The following CAMTA1 variants were observed in gnomAD, a reference collection of about 807,000 sequenced individuals.
CAMTA1 encodes the protein calmodulin-binding transcription activator 1.
CAMTA1 carries 27 observed loss-of-function variants against 170.9 expected under a neutral mutation model. The ratio of observed to expected loss-of-function variants is 0.16; its 90% CI spans 0.12 to 0.22. The LOEUF is 0.22. CAMTA1 is among the 10% of genes least tolerant of loss of function. The probability of loss-of-function intolerance (pLI) is 1.00; values close to 1 mark genes in which losing one functional copy is unlikely to be tolerated. For missense variants in CAMTA1, 1,619 were observed against 2,217.2 expected (o/e 0.73, Z 5.42); for synonymous variants, 833 against 891.5 (o/e 0.93, Z 1.17).
intron 3 of CAMTA1, among the ~76,000 whole-genome samples, chr1:7,017,392 A>T (rs1700715266): frequency 6.6e-6 from 1 of 152,262 alleles, no homozygotes. Flanking sequence ...TCACATACTC[A>T]TACAGACATA....
At chr1:7,223,235 A>G (rs1304803519) in intron 4 of CAMTA1, among the ~76,000 whole-genome samples, 1 of 138,744 alleles carries the variant, frequency 7.2e-6, no homozygotes, top group Non-Finnish European at 1.5e-5. Flanking sequence ...CTACATGTGT[A>G]TGTCAGGCTA....
intron 7 of CAMTA1, among the ~76,000 whole-genome samples, chr1:7,654,708 AACACACCCACCTATACACACACCC>A (rs2095869830): frequency 7.2e-6 from 1 of 139,674 alleles, no homozygotes; most frequent in Non-Finnish European, 1.5e-5. Context: ...TATACACACA[AACACACCCACCTATACACACACCC>A]ACACACCTAT....
chr1:7,464,685 AG>A (rs1333222748), intron 5 of CAMTA1, among the ~76,000 whole-genome samples: 1 of 152,120 alleles, frequency 6.6e-6, no homozygotes, highest in Non-Finnish European at 1.5e-5. Context: ...TCATCCTTAA[AG>A]CTTTTGCAGC....
chr1:6,951,469 T>G (rs1339343267), intron 3 of CAMTA1, among the ~76,000 whole-genome samples: 2 of 152,166 alleles, frequency 1.3e-5, no homozygotes, highest in African/African-American at 4.8e-5. Flanking sequence ...ACATATTGGA[T>G]GCAACAGATT....
intron 7 of CAMTA1, among the ~76,000 whole-genome samples, chr1:7,648,445 C>T (rs1436499270): frequency 6.6e-6 from 1 of 151,946 alleles, no homozygotes; most frequent in African/African-American, 2.4e-5. Flanking sequence ...ACTTTTCCCC[C>T]ATGGAGCTAC....
intron 3 of CAMTA1, among the ~76,000 whole-genome samples, chr1:6,949,813 A>G (rs1432352743): frequency 2.6e-5 from 4 of 152,260 alleles, no homozygotes; most frequent in South Asian, 2.1e-4. Context: ...TGCAAAAGGG[A>G]GGGCAGTGAC....
chr1:7,653,233 C>A (rs2095858893), intron 7 of CAMTA1, among the ~76,000 whole-genome samples: 1 of 152,166 alleles, frequency 6.6e-6, no homozygotes, highest in Non-Finnish European at 1.5e-5. Context: ...AGCAGAGGCT[C>A]AGTGGAGTAC....
intron 1 of CAMTA1, among the ~76,000 whole-genome samples, chr1:6,787,039 C>T (rs751095855): frequency 2.6e-5 from 4 of 152,202 alleles, no homozygotes; most frequent in Non-Finnish European, 4.4e-5. Flanking sequence ...AGACTTTGTC[C>T]GTCCCACACT....
chr1:6,828,890 G>GTT lies in CAMTA1; in HGVS notation c.234+3702_234+3703dup, dbSNP rs1026284603. ...TACAGCAAGTCTATTCTGTAACGTA[G>GTT]TTTTTTTTTTTTTTTTTTTTTTTGG... On this transcript the variant is annotated intron_variant, in intron 3 of 22. Transcript: ENST00000303635. Among the ~76,000 whole-genome samples, 572 of 101,934 alleles carry GTT rather than the reference G, an allele frequency of 5.6e-3. 1 individual carries two copies. The highest frequency in any genetic ancestry group is 0.014 in the African/African-American group (365 of 25,276). The allele number at this position is 101,934 out of a possible 152,430, so 66.9% of individuals were successfully genotyped here. A position where few individuals can be genotyped will look rare whatever the true frequency, so the allele number is the denominator to read the frequency against.
intron 5 of CAMTA1, among the ~76,000 whole-genome samples, chr1:7,438,048 A>G (rs1175287913): frequency 6.6e-6 from 1 of 152,160 alleles, no homozygotes; most frequent in African/African-American, 2.4e-5. Flanking sequence ...GCAGAATCTG[A>G]AGGAGAGGGG....
intron 6 of CAMTA1, among the ~76,000 whole-genome samples, chr1:7,579,552 C>CTTTTTT (rs3034816): frequency 0.019 from 1,528 of 79,114 alleles, 82 homozygotes; most frequent in Non-Finnish European, 0.024. Context: ...CTTTTCTTTT[C>CTTTTTT]TTTTTTTTTT....
At chr1:6,923,500 C>T (rs1045474827) in intron 3 of CAMTA1, among the ~76,000 whole-genome samples, 1 of 152,224 alleles carries the variant, frequency 6.6e-6, no homozygotes, top group Admixed American at 6.5e-5. Flanking sequence ...CCCAAAGCCA[C>T]GAGGCCCAGC....
chr1:6,902,350 A>G (rs1199775588), intron 3 of CAMTA1, among the ~76,000 whole-genome samples: 3 of 152,234 alleles, frequency 2.0e-5, no homozygotes, highest in Non-Finnish European at 2.9e-5. Context: ...TGGCCAATGA[A>G]TAAGCAACTT....
Position 7,635,880 on chromosome 1 carries a change from C to T in CAMTA1, c.511-4520C>T, listed in dbSNP as rs1425514134. On this transcript the variant is annotated intron_variant, in intron 6 of 22. Transcript: ENST00000303635. This position sits in a 1 kb window ranked among gnomAD's most constrained non-coding sequence, Gnocchi z 4.4. ...CTAATGAATAAAATTGCAACATTGC[C>T]AAGAAGCGATGTGTGCCCCAAATTT... Among the ~76,000 whole-genome samples, 3 of 152,202 alleles carry T rather than the reference C, an allele frequency of 2.0e-5. No homozygotes were observed. The highest frequency in any genetic ancestry group is 3.8e-4 in the East Asian group (2 of 5,196).
intron 3 of CAMTA1, among the ~76,000 whole-genome samples, chr1:7,002,414 A>G (rs1454566421): frequency 6.6e-6 from 1 of 152,146 alleles, no homozygotes; most frequent in Non-Finnish European, 1.5e-5. Flanking sequence ...AAGGCTGCCT[A>G]TTATTGCTGT....
intron 5 of CAMTA1, among the ~76,000 whole-genome samples, chr1:7,343,565 T>G (rs903288852): frequency 2.0e-5 from 3 of 152,340 alleles, no homozygotes; most frequent in African/African-American, 7.2e-5. Context: ...GGAATGCCCA[T>G]GACCTGCTGG....
chr1:7,032,230 G>A (rs1702911633), intron 3 of CAMTA1, among the ~76,000 whole-genome samples: 1 of 152,194 alleles, frequency 6.6e-6, no homozygotes, highest in African/African-American at 2.4e-5. Flanking sequence ...CTCCCAGAGT[G>A]CTGGGATTAT....
intron 1 of CAMTA1, among the ~76,000 whole-genome samples, chr1:6,803,282 G>T (rs17029864): frequency 2.0e-5 from 3 of 152,028 alleles, no homozygotes; most frequent in Admixed American, 6.5e-5. Flanking sequence ...AATGGGAGAC[G>T]TTGCCTTCAG....
intron 5 of CAMTA1, among the ~76,000 whole-genome samples, chr1:7,384,412 C>T (rs1252282857): frequency 1.3e-5 from 2 of 152,202 alleles, no homozygotes; most frequent in Non-Finnish European, 2.9e-5. Context: ...GCCTGGGTAG[C>T]TTCTTCATGT....
Sources: gnomAD v4.1 joint callset for allele counts (sites outside exome capture counted in the v4.1 genomes callset) on GRCh38, gnomAD v4.1.1 for gene constraint, Gnocchi (gnomAD v3.1) non-coding constraint, MANE v1.5 for transcripts, NCBI Gene and HGNC (gene_info 2026-07-23, HGNC 2026-07-21) for gene names.